The following TBC1D8 variants were observed in gnomAD, a reference collection of about 807,000 sequenced individuals.
TBC1D8 encodes BUB2-like protein 1.
A neutral mutation model predicts 118.8 loss-of-function variants in TBC1D8; 65 were observed. The ratio of observed to expected loss-of-function variants is 0.55; its 90% CI spans 0.45 to 0.67. The LOEUF (loss-of-function observed/expected upper bound fraction) is 0.67, where lower values mean the gene tolerates loss of function less well. Among genes scored for constraint, TBC1D8 ranks in the 30% least tolerant of loss-of-function variants. The probability of loss-of-function intolerance (pLI) is 0.00; values close to 1 mark genes in which losing one functional copy is unlikely to be tolerated. For synonymous variants in TBC1D8, 566 were observed against 595.8 expected (o/e 0.95, Z 0.73); for missense variants, 1,376 against 1,471.2 (o/e 0.94, Z 1.06).
At chr2:101,031,184 C>T (rs977100297) in intron 11 of TBC1D8, among the ~76,000 whole-genome samples, 23 of 152,202 alleles carry the variant, frequency 1.5e-4, no homozygotes, top group African/African-American at 5.3e-4. Flanking sequence ...TTAATTACTC[C>T]TTGCTACTCT....
chr2:101,043,927 CA>C (rs367555684), intron 5 of TBC1D8, among the ~76,000 whole-genome samples: 406 of 151,814 alleles, frequency 2.7e-3, no homozygotes, highest in African/African-American at 8.6e-3. Context: ...GCAACAAGAG[CA>C]AAAGTCTGTC....
chr2:101,033,745 A>C lies in TBC1D8; in HGVS notation c.1617T>G (p.Asp539Glu). Residue 539 changes from aspartate (D) to glutamate (E), a missense_variant, in exon 10 of 20, where the codon GAT becomes GAG. Asp to Glu is a conservative substitution (Grantham distance 45, BLOSUM62 2). Transcript: ENST00000409318. ...CGTAGTAACCAGGGTGTGAGGCAAG[A>C]TCCGTCACCGCATCTGAGTTTTAAA... ...LWLLFSDAVT[D>E]LASHPGYYGN... 6.2e-7 allele frequency: 1 copy of C among 1,612,650 alleles called. No individual in the cohort carries two copies. Among genetic ancestry groups the C allele is most frequent in the Non-Finnish European group, 8.5e-7 (1 of 1,178,820 alleles).
intron 1 of TBC1D8, among the ~76,000 whole-genome samples, chr2:101,108,419 A>G (rs1361270959): frequency 6.6e-6 from 1 of 152,220 alleles, no homozygotes. Context: ...AATTGTATTC[A>G]TTTGTTACTG....
chr2:101,086,196 G>A (rs952308213), intron 2 of TBC1D8, among the ~76,000 whole-genome samples: 12 of 149,224 alleles, frequency 8.0e-5, no homozygotes, highest in African/African-American at 2.9e-4. Context: ...AAAGCAGCAA[G>A]GTATAGAATA....
rs562265373 is a variant in TBC1D8, at chr2:101,046,854, CAG to C, written c.872+3545_872+3546del. Reference sequence around the variant, plus strand: ...GCGAAAGAGCCTGCCTCGTGGGAAACAGAGTTTCCATTTACTACACCGCTTTA... The same window carrying C: ...GCGAAAGAGCCTGCCTCGTGGGAAACAGTTTCCATTTACTACACCGCTTTA... On this transcript the variant is annotated intron_variant, in intron 5 of 19. Coordinates refer to ENST00000409318, the MANE Select transcript of TBC1D8 (RefSeq NM_001330348.2). 9.2e-5 allele frequency among the ~76,000 whole-genome samples: 14 copies of C among 152,254 alleles called. No homozygotes were observed. In the East Asian group the frequency reaches 1.7e-3, roughly 19 times the overall value.
intron 1 of TBC1D8, among the ~76,000 whole-genome samples, chr2:101,092,452 T>C (rs1185842646): frequency 6.6e-6 from 1 of 152,200 alleles, no homozygotes; most frequent in East Asian, 1.9e-4. Context: ...TCTTTGAAAT[T>C]AACGAGTATT....
In TBC1D8 at chr2:101,054,205, G is replaced by A. The variant is rs767369682; in HGVS notation, c.534C>T (p.Tyr178=). 5 of 1,612,968 alleles carry A rather than the reference G, an allele frequency of 3.1e-6. No homozygotes were observed. Among genetic ancestry groups the A allele is most frequent in the Non-Finnish European group, 4.2e-6 (5 of 1,179,524 alleles). The stretch of plus-strand genomic sequence containing the variant: ...CCCTGCCCTTCCAACAGCAGCAGGA[G>A]TAGTAGGTGACCAGCTTCTCCGCCT... ...FPEAEKLVTY[Y]SCCCWKGRVP... The change falls in exon 4 of 20, where the codon TAC becomes TAT. Residue 178 remains tyrosine (Y), a synonymous_variant. Transcript: ENST00000409318.
intron 1 of TBC1D8, among the ~76,000 whole-genome samples, chr2:101,103,642 T>C (rs1677017064): frequency 6.6e-6 from 1 of 152,136 alleles, no homozygotes; most frequent in Non-Finnish European, 1.5e-5. Context: ...TCCGCCCGCC[T>C]TGGCCTCCCA....
chr2:101,079,319 C>CCT (rs1675091004), intron 2 of TBC1D8, among the ~76,000 whole-genome samples: 1 of 152,150 alleles, frequency 6.6e-6, no homozygotes, highest in South Asian at 2.1e-4. Flanking sequence ...GGTTCTGTAA[C>CCT]CTATAAGACA....
chr2:101,135,619 GAAC>G (rs1395366303), intron 1 of TBC1D8, among the ~76,000 whole-genome samples: 1 of 152,226 alleles, frequency 6.6e-6, no homozygotes, highest in African/African-American at 2.4e-5. Context: ...AAAGAGCAGG[GAAC>G]AACAATTCAA....
intron 1 of TBC1D8, among the ~76,000 whole-genome samples, chr2:101,139,812 G>A (rs1447926646): frequency 6.6e-6 from 1 of 152,114 alleles, no homozygotes; most frequent in Non-Finnish European, 1.5e-5. Flanking sequence ...GCTCCCTGAT[G>A]TTCCAACCCA....
In TBC1D8 at chr2:101,033,534, C is replaced by A; in HGVS notation, c.1818+10G>T. 2 of 1,613,864 alleles carry A rather than the reference C, an allele frequency of 1.2e-6. No individual in the cohort carries two copies. Among genetic ancestry groups the A allele is most frequent in the Non-Finnish European group, 8.5e-7 (1 of 1,179,856 alleles). ...AAGACTCTCTGCGCCCCAGAGCACA[C>A]CCCTTTCACCTGGCAGTATCCAATC... On this transcript the variant is annotated intron_variant, in intron 10 of 19. Coordinates refer to ENST00000409318, the MANE Select transcript of TBC1D8 (RefSeq NM_001330348.2).
rs79631134 is a variant in TBC1D8, at chr2:101,014,470, A to G, written c.2828-2930T>C. ...GCCCTGTGAGATGCTGACCTTTGCA[A>G]ATTTCATCAACACATCATCCCTTTT... is the stretch of plus-strand genomic sequence containing the variant. On this transcript the variant is annotated intron_variant, in intron 17 of 19. Transcript: ENST00000409318. 3.5e-4 allele frequency among the ~76,000 whole-genome samples: 54 copies of G among 152,318 alleles called. 2 individuals carry two copies. In the East Asian group the frequency reaches 0.01, roughly 29 times the overall value.
chr2:101,074,170 T>C (rs1222991170), intron 2 of TBC1D8, among the ~76,000 whole-genome samples: 1 of 152,238 alleles, frequency 6.6e-6, no homozygotes, highest in African/African-American at 2.4e-5. Flanking sequence ...TGTAGAGTTA[T>C]TAATTAGCCT....
rs145632880 is a variant in TBC1D8, at chr2:101,148,995, G to C, written c.127+2132C>G. On this transcript the variant is annotated intron_variant, in intron 1 of 19. Transcript: ENST00000409318. ...AAGACCAGCCCCCCACAGCACACGT[G>C]GCAGGTCAGCGCTGCTTCATCGGCA... is the stretch of plus-strand genomic sequence containing the variant. 8.5e-5 allele frequency among the ~76,000 whole-genome samples: 13 copies of C among 152,224 alleles called. No homozygotes were observed. In the East Asian group the frequency reaches 1.9e-3, roughly 23 times the overall value.
chr2:101,140,045 T>C (rs931016397), intron 1 of TBC1D8, among the ~76,000 whole-genome samples: 1 of 152,120 alleles, frequency 6.6e-6, no homozygotes, highest in Non-Finnish European at 1.5e-5. Flanking sequence ...TTAACCAACA[T>C]ATTTAGAAAA....
intron 1 of TBC1D8, among the ~76,000 whole-genome samples, chr2:101,109,542 T>A (rs972448037): frequency 1.3e-5 from 2 of 152,118 alleles, no homozygotes; most frequent in African/African-American, 4.8e-5. Flanking sequence ...ACTTAGTCCG[T>A]CCTTTTATAA....
chr2:101,092,536 T>C (rs1287938861), intron 1 of TBC1D8, among the ~76,000 whole-genome samples: 1 of 152,162 alleles, frequency 6.6e-6, no homozygotes, highest in African/African-American at 2.4e-5. Flanking sequence ...CTTACTTATA[T>C]CAGTATGGCC....
At chr2:101,018,292 G>A (rs1055341680) in intron 17 of TBC1D8, 1 of 178,972 alleles carries the variant, frequency 5.6e-6, no homozygotes, top group African/African-American at 2.4e-5. Flanking sequence ...ATCAGTATGT[G>A]TTAATATAAT....
Sources: gnomAD v4.1 joint callset for allele counts (sites outside exome capture counted in the v4.1 genomes callset) on GRCh38, gnomAD v4.1.1 for gene constraint, MANE v1.5 for transcripts, NCBI Gene and HGNC (gene_info 2026-07-23, HGNC 2026-07-21) for gene names.